APPL2: variants seen among roughly 807,000 people sequenced by gnomAD.
APPL2 encodes DCC-interacting protein 13-beta.
Under a neutral mutation model 92.7 loss-of-function variants are expected in APPL2, and 84 were observed. That is an observed-to-expected ratio of 0.91 (90% CI 0.76 to 1.09). APPL2 has a LOEUF of 1.09. APPL2 is among the 50% of genes least tolerant of loss of function. The pLI, the probability that APPL2 is intolerant of heterozygous loss-of-function variation, is 0.00. For missense variants in APPL2, 736 were observed against 824.5 expected (o/e 0.89, Z 1.31); for synonymous variants, 291 against 291.0 (o/e 1.00, Z 0.00).
intron 1 of APPL2, among the ~76,000 whole-genome samples, chr12:105,234,331 G>A (rs1449990081): frequency 6.6e-6 from 1 of 152,186 alleles, no homozygotes; most frequent in African/African-American, 2.4e-5. Context: ...AGGAAACTGA[G>A]CCAGCTACAG....
rs140918264 is a variant in APPL2 at position 105,174,959 on chromosome 12, C to T, written c.1861-511G>A. ...AGAGCAGTGGTATGATCTCAGCTCA[C>T]TGCAACCTTCGCCTCCCCGGTTCAA... On this transcript the variant is annotated intron_variant, in intron 20 of 20. Transcript: ENST00000258530. Among the ~76,000 whole-genome samples, 1,121 of 151,156 alleles carry T rather than the reference C, an allele frequency of 7.4e-3. 18 individuals carry two copies. The highest frequency in any genetic ancestry group is 0.026 in the African/African-American group (1,068 of 41,322).
rs1885638851 is a variant in APPL2, at chr12:105,177,249, G to T, written c.1648C>A (p.Gln550Lys). The T allele has an allele frequency of 6.2e-7, 1 of 1,613,818 alleles. No homozygotes were observed. Among genetic ancestry groups the T allele is most frequent in the Non-Finnish European group, 8.5e-7 (1 of 1,179,706 alleles). Residue 550 changes from glutamine (Q) to lysine (K), a missense_variant, in exon 18 of 21, where the codon CAG becomes AAG. Physicochemically the swap from Gln to Lys is moderately conservative, Grantham distance 53. Coordinates refer to ENST00000258530, the MANE Select transcript of APPL2 (RefSeq NM_018171.5). Reference protein sequence around the residue: ...TSQSLRLIDPQTQVSRANFEL... With the variant: ...TSQSLRLIDPKTQVSRANFEL... ...ACATTGGCCCTTGATACTTGAGTCT[G>T]TGGATCTATCAACCTGAAATTTTAA... is the stretch of plus-strand genomic sequence containing the variant.
At chr12:105,203,308 A>T (rs1387147674) in intron 9 of APPL2, 1 of 172,058 alleles carries the variant, frequency 5.8e-6, no homozygotes, top group Admixed American at 6.3e-5. Context: ...ATTAATTCCA[A>T]AAAGGCTCTA....
At chr12:105,186,576 C>T (rs1886625669) in intron 17 of APPL2, among the ~76,000 whole-genome samples, 1 of 129,042 alleles carries the variant, frequency 7.7e-6, no homozygotes, top group African/African-American at 3.5e-5. Flanking sequence ...AGTTTCTTCA[C>T]ATCCTTGCTA....
At chr12:105,183,628 C>T (rs1185180503) in intron 17 of APPL2, among the ~76,000 whole-genome samples, 10 of 152,126 alleles carry the variant, frequency 6.6e-5, no homozygotes, top group Non-Finnish European at 1.0e-4. Context: ...AGAGATCCGC[C>T]GTTAGTCTGA....
intron 2 of APPL2, 82 bp from the exon 3 acceptor site, chr12:105,217,807 T>A: frequency 7.5e-7 from 1 of 1,324,510 alleles, no homozygotes; most frequent in Non-Finnish European, 1.1e-6. Flanking sequence ...GAGAATCCCT[T>A]AAAAAGTAAT....
Position 105,195,455 on chromosome 12 carries a change from T to A in APPL2, c.1142A>T (p.Asp381Val). ...GTGGCTGATAATTACCTCAGGGTTG[T>A]CGGTCAGGTAGATCTGTCTGGAGAT... ...NNISRQIYLT[D>V]NPEAVAIKLN... The change falls in exon 13 of 21, where the codon GAC becomes GTC. Residue 381 changes from aspartate to valine, a missense_variant. Coordinates refer to ENST00000258530, the MANE Select transcript of APPL2 (RefSeq NM_018171.5). The A allele has an allele frequency of 6.2e-7, 1 of 1,614,174 alleles. No homozygotes were observed. Among genetic ancestry groups the A allele is most frequent in the Non-Finnish European group, 8.5e-7 (1 of 1,180,036 alleles).
Position 105,177,272 on chromosome 12 carries a change from T to A in APPL2, c.1635-10A>T. 1.2e-6 allele frequency: 2 copies of A among 1,612,008 alleles called. No individual in the cohort carries two copies. The highest frequency in any genetic ancestry group is 8.5e-7 in the Non-Finnish European group (1 of 1,178,154). On this transcript the variant is annotated splice_polypyrimidine_tract_variant and intron_variant, in intron 17 of 20. Coordinates refer to ENST00000258530, the MANE Select transcript of APPL2 (RefSeq NM_018171.5). ...CTGTGGATCTATCAACCTGAAATTTTAAAAGATACATTATGTCACAAATGT... is the reference window on the plus strand; with the variant it reads ...CTGTGGATCTATCAACCTGAAATTTAAAAAGATACATTATGTCACAAATGT...
chr12:105,178,693 G>A (rs1367495014), intron 17 of APPL2, among the ~76,000 whole-genome samples: 3 of 152,092 alleles, frequency 2.0e-5, no homozygotes, highest in Non-Finnish European at 4.4e-5. Flanking sequence ...TCTTACAACT[G>A]GTTCATCTGT....
At chr12:105,200,756 G>A (rs1182035851) in intron 9 of APPL2, among the ~76,000 whole-genome samples, 2 of 152,166 alleles carry the variant, frequency 1.3e-5, no homozygotes, top group Non-Finnish European at 2.9e-5. Flanking sequence ...TTCTCCACAT[G>A]AGCACCTCAG....
chr12:105,186,361 A>G (rs976006429), intron 17 of APPL2, among the ~76,000 whole-genome samples: 2 of 152,148 alleles, frequency 1.3e-5, no homozygotes, highest in African/African-American at 4.8e-5. Flanking sequence ...ACTCTACCAC[A>G]TTTTGTTGAT....
chr12:105,208,233 T>C (rs1888917712), intron 5 of APPL2, 34 bp from the exon 6 acceptor site: 2 of 1,613,012 alleles, frequency 1.2e-6, no homozygotes, highest in African/African-American at 2.7e-5. Flanking sequence ...CTTAGAGCAA[T>C]GAAAAATAAA....
chr12:105,188,348 ACTT>A lies in APPL2; in HGVS notation c.1556_1558del (p.Gln519_Val520delinsLeu), dbSNP rs1339245189. Reference sequence around the variant, plus strand: ...GTTATGAATAGCCCGAGCAGCCAATACTTGTCTCATCGCTTCATAAATCACTTC... The same window carrying A: ...GTTATGAATAGCCCGAGCAGCCAATAGTCTCATCGCTTCATAAATCACTTC... On this transcript the variant is annotated inframe_deletion, in exon 17 of 21. Coordinates refer to ENST00000258530, the MANE Select transcript of APPL2 (RefSeq NM_018171.5). 1 of 1,614,212 alleles carries A rather than the reference ACTT, an allele frequency of 6.2e-7. No homozygotes were observed.
In APPL2 at chr12:105,177,326, T is replaced by C. The variant is rs556287281; in HGVS notation, c.1635-64A>G. 32 of 1,511,034 alleles carry C rather than the reference T, an allele frequency of 2.1e-5. No homozygotes were observed. In the African/African-American group the frequency reaches 3.0e-4, roughly 14 times the overall value. 93.6% of individuals were successfully genotyped at this position (1,511,034 alleles called of 1,614,324 possible). A position where few individuals can be genotyped will look rare whatever the true frequency, so the allele number is the denominator to read the frequency against. Reference sequence around the variant, plus strand: ...ATAAATTTAATATTCCTAGAAGAGTTTGTAGAAGTCCAGAATAAATACAAA... The same window carrying C: ...ATAAATTTAATATTCCTAGAAGAGTCTGTAGAAGTCCAGAATAAATACAAA... On this transcript the variant is annotated intron_variant, in intron 17 of 20. Transcript: ENST00000258530.
chr12:105,224,363 G>A (rs1317955), intron 2 of APPL2, among the ~76,000 whole-genome samples: 29,789 of 152,144 alleles, frequency 0.2, 3,121 homozygotes, highest in East Asian at 0.35. Flanking sequence ...CCTGCCTCTA[G>A]CGTATTACAA....
At chr12:105,189,920 G>T in intron 15 of APPL2, 71 bp downstream of exon 15, 1 of 1,610,276 alleles carries the variant, frequency 6.2e-7, no homozygotes, top group Non-Finnish European at 8.5e-7. Flanking sequence ...AGTCTTTGGT[G>T]GTGGAGGGGG....
intron 5 of APPL2, among the ~76,000 whole-genome samples, chr12:105,209,970 T>C (rs1889075134): frequency 6.6e-6 from 1 of 152,098 alleles, no homozygotes; most frequent in Admixed American, 6.5e-5. Context: ...TTCACCCTTT[T>C]TTTTTTTTGA....
intron 2 of APPL2, among the ~76,000 whole-genome samples, chr12:105,222,758 C>T (rs961079343): frequency 6.6e-5 from 10 of 152,142 alleles, no homozygotes; most frequent in Non-Finnish European, 7.3e-5. Flanking sequence ...AAGGAAACCC[C>T]GTCATTATGT....
At chr12:105,199,002 C>G (rs541977503) in intron 10 of APPL2, among the ~76,000 whole-genome samples, 4 of 152,352 alleles carry the variant, frequency 2.6e-5, no homozygotes, top group Non-Finnish European at 4.4e-5. Context: ...TCTGGCCTTG[C>G]AGGTAGGTCT....
Sources: allele counts gnomAD v4.1 joint callset (sites outside exome capture counted in the v4.1 genomes callset), GRCh38; gene constraint gnomAD v4.1.1; transcripts MANE v1.5; gene names NCBI Gene and HGNC (gene_info 2026-07-23, HGNC 2026-07-21).